XPA: variants seen among roughly 807,000 people sequenced by gnomAD.
XPA encodes DNA repair protein complementing XP-A cells.
Under a neutral mutation model 35.7 loss-of-function variants are expected in XPA, and 27 were observed. The ratio of observed to expected loss-of-function variants is 0.76; its 90% CI spans 0.56 to 1.04. The LOEUF is 1.04. XPA is among the 50% of genes least tolerant of loss of function. XPA has a pLI of 0.00. For missense variants in XPA, 354 were observed against 342.7 expected (o/e 1.03, Z -0.26); for synonymous variants, 133 against 118.4 (o/e 1.12, Z -0.80).
At chr9:97,663,086 G>T in the XPA span, 3 of 1,452,776 alleles carry the variant, frequency 2.1e-6, no homozygotes, top group African/African-American at 1.4e-5. Context: ...AGCTCTGATT[G>T]TATGGGTATA....
At chr9:97,686,983 A>AC in intron 4 of XPA, 113 bp downstream of exon 4, 1 of 1,071,412 alleles carries the variant, frequency 9.3e-7, no homozygotes, top group Non-Finnish European at 1.4e-6. Flanking sequence ...CATATGCAAA[A>AC]CTAGGGAAAA....
intron 5 of XPA, among the ~76,000 whole-genome samples, chr9:97,680,885 T>C (rs536857045): frequency 2.5e-4 from 38 of 152,314 alleles, no homozygotes; most frequent in African/African-American, 5.1e-4. Context: ...GAAGGCCTAA[T>C]TGAAGCTGGA....
downstream of XPA, among the ~76,000 whole-genome samples, chr9:97,674,389 G>A (rs931892861): frequency 3.9e-5 from 6 of 151,944 alleles, no homozygotes; most frequent in African/African-American, 1.5e-4. Flanking sequence ...GACTTGTTTT[G>A]ACTTAGCCTT....
the XPA span, among the ~76,000 whole-genome samples, chr9:97,658,163 AC>A: frequency 0.023 from 3,520 of 151,884 alleles, 149 homozygotes; most frequent in African/African-American, 0.081. Flanking sequence ...CTCTTGGTGG[AC>A]ACACATCCAT....
At chr9:97,662,981 T>C in the XPA span, 1 of 1,613,300 alleles carries the variant, frequency 6.2e-7, no homozygotes, top group South Asian at 1.1e-5. Context: ...AAACCCTAGC[T>C]GAAAGTGATG....
At chr9:97,678,149 C>G (rs930975171) in intron 5 of XPA, among the ~76,000 whole-genome samples, 3 of 152,136 alleles carry the variant, frequency 2.0e-5, no homozygotes, top group Non-Finnish European at 2.9e-5. Context: ...GCCTATAATT[C>G]TAGCACTTTG....
At chr9:97,670,004 C>T (rs1233525276), downstream of XPA, 23 of 424,422 alleles carry the variant, frequency 5.4e-5, no homozygotes, top group Non-Finnish European at 9.7e-5. Flanking sequence ...CTCACTGCAA[C>T]CTCCACCTCC....
downstream of XPA, chr9:97,671,255 T>A: frequency 2.3e-6 from 3 of 1,283,576 alleles, no homozygotes; most frequent in Non-Finnish European, 3.3e-6. Flanking sequence ...TAATTTGTCT[T>A]ATTTTTTGAT....
chr9:97,682,300 G>A (rs1828569949), intron 5 of XPA: 2 of 518,838 alleles, frequency 3.9e-6, no homozygotes, highest in Middle Eastern at 3.2e-4. Flanking sequence ...AATACTTTTA[G>A]ACTTGCTTTT....
downstream of XPA, chr9:97,672,919 G>A (rs1028241098): frequency 6.5e-6 from 1 of 153,038 alleles, no homozygotes; most frequent in Admixed American, 6.5e-5. Context: ...ACAAGGTCAG[G>A]AGATTGAGAC....
At chr9:97,664,672 G>A in the XPA span, among the ~76,000 whole-genome samples, 3 of 152,200 alleles carry the variant, frequency 2.0e-5, no homozygotes, top group Non-Finnish European at 4.4e-5. Flanking sequence ...TCAAGGCTAA[G>A]CCAGTGAAGT....
intron 5 of XPA, among the ~76,000 whole-genome samples, chr9:97,677,406 C>G (rs1828399537): frequency 6.6e-6 from 1 of 152,064 alleles, no homozygotes; most frequent in Non-Finnish European, 1.5e-5. Flanking sequence ...GTATTCGGGG[C>G]CAGGTGCAAT....
At chr9:97,659,984 ACTTC>A in the XPA span, among the ~76,000 whole-genome samples, 8 of 152,122 alleles carry the variant, frequency 5.3e-5, no homozygotes, top group Non-Finnish European at 1.2e-4. Context: ...TTCTAGCTCC[ACTTC>A]CTTTTCTCCT....
chr9:97,657,956 C>T, the XPA span, among the ~76,000 whole-genome samples: 14 of 139,174 alleles, frequency 1.0e-4, no homozygotes, highest in Non-Finnish European at 1.7e-4. Context: ...CGTCCCCAGC[C>T]ATTCATTGAG....
chr9:97,684,419 T>G (rs987906107), intron 5 of XPA, among the ~76,000 whole-genome samples: 3 of 152,226 alleles, frequency 2.0e-5, no homozygotes, highest in African/African-American at 7.2e-5. Context: ...AAAACCCTGC[T>G]TCCAGTCCCA....
chr9:97,656,961 T>C, the XPA span, among the ~76,000 whole-genome samples: 16 of 152,216 alleles, frequency 1.1e-4, no homozygotes, highest in East Asian at 2.9e-3. Flanking sequence ...TGGAGTGTTT[T>C]TTTTGTTTTG....
intron 5 of XPA, among the ~76,000 whole-genome samples, chr9:97,681,623 A>G (rs904563540): frequency 6.6e-6 from 1 of 152,206 alleles, no homozygotes; most frequent in Non-Finnish European, 1.5e-5. Flanking sequence ...GAAATGCCTT[A>G]TCTCTACCTT....
the XPA span, among the ~76,000 whole-genome samples, chr9:97,660,027 G>A: frequency 3.8e-4 from 58 of 152,300 alleles, no homozygotes; most frequent in African/African-American, 1.3e-3. Context: ...CTCAATAGCT[G>A]TAAATATTTT....
the XPA span, among the ~76,000 whole-genome samples, chr9:97,655,303 T>A: frequency 1.3e-5 from 2 of 152,314 alleles, no homozygotes; most frequent in African/African-American, 4.8e-5. Context: ...CTTGAACTTA[T>A]GGGCTCAAGC....
Sources: gnomAD v4.1 joint callset for allele counts (sites outside exome capture counted in the v4.1 genomes callset) on GRCh38, gnomAD v4.1.1 for gene constraint, MANE v1.5 for transcripts, NCBI Gene and HGNC (gene_info 2026-07-23, HGNC 2026-07-21) for gene names.